Variants in SPART observed in about 807,000 individuals in gnomAD.
SPART encodes spastic paraplegia 20 (Troyer syndrome).
A neutral mutation model predicts 58.7 loss-of-function variants in SPART; 35 were observed. The observed-to-expected ratio is 0.60, with a 90% CI of 0.46 to 0.79. SPART has a LOEUF of 0.79. Ranked by LOEUF, SPART falls within the 30% of genes least tolerant of loss-of-function variation. SPART has a pLI of 0.00. For synonymous variants in SPART, 284 were observed against 280.7 expected, an observed-to-expected ratio of 1.01 and a Z score of -0.12; for missense variants, 730 against 786.1, an observed-to-expected ratio of 0.93 and a Z score of 0.85.
intron 4 of SPART, among the ~76,000 whole-genome samples, chr13:36,329,128 G>A (rs1883222096): frequency 2.0e-5 from 3 of 151,718 alleles, no homozygotes; most frequent in Admixed American, 1.3e-4. Context: ...TCAAACAGTT[G>A]GGAAAAAAAT....
intron 1 of SPART, among the ~76,000 whole-genome samples, chr13:36,338,894 A>T (rs1343780127): frequency 6.6e-6 from 1 of 152,108 alleles, no homozygotes; most frequent in Non-Finnish European, 1.5e-5. Context: ...CAAGCAATTC[A>T]CCGTTCAGAA....
chr13:36,363,217 A>T (rs979425429), intron 1 of SPART, among the ~76,000 whole-genome samples: 1 of 152,210 alleles, frequency 6.6e-6, no homozygotes, highest in African/African-American at 2.4e-5. Flanking sequence ...CTTTTTTCTG[A>T]AAACAATAAC....
At position 36,302,294 on chromosome 13, in the gene SPART, A is replaced by C. The variant is rs929009865; in HGVS notation, c.*2071T>G. 1 of 152,204 alleles carries C rather than the reference A, an allele frequency of 6.6e-6. No homozygotes were observed. Among genetic ancestry groups the C allele is most frequent in the African/African-American group, 2.4e-5 (1 of 41,452 alleles). 9.4% of individuals were successfully genotyped at this position (152,204 alleles called of 1,614,324 possible). A position where few individuals can be genotyped will look rare whatever the true frequency, so the allele number is the denominator to read the frequency against. On this transcript the variant is annotated 3_prime_UTR_variant, in exon 9 of 9. Transcript: ENST00000438666. Reference sequence around the variant, plus strand: ...AATCTTTAGAAGATGCCTATCTCCTAATGAGTCAGTGAATGGTGGGAAAAG... The same window carrying C: ...AATCTTTAGAAGATGCCTATCTCCTCATGAGTCAGTGAATGGTGGGAAAAG...
intron 1 of SPART, among the ~76,000 whole-genome samples, chr13:36,337,058 T>C (rs2137569428): frequency 1.3e-5 from 2 of 152,346 alleles, no homozygotes; most frequent in Middle Eastern, 6.8e-3. Context: ...TGTTCTCTTG[T>C]TGATCTGAGT....
At chr13:36,353,883 T>A (rs1885517743) in intron 1 of SPART, among the ~76,000 whole-genome samples, 1 of 152,176 alleles carries the variant, frequency 6.6e-6, no homozygotes, top group Non-Finnish European at 1.5e-5. Context: ...GTTCTGTGAA[T>A]TGTTTATGTT....
intron 1 of SPART, among the ~76,000 whole-genome samples, chr13:36,341,258 T>G (rs1369188082): frequency 6.6e-6 from 1 of 152,210 alleles, no homozygotes; most frequent in African/African-American, 2.4e-5. Context: ...AGAGCAACTA[T>G]GTCAAACAGA....
At position 36,354,625 on chromosome 13, in the gene SPART, C is replaced by T. The variant is rs150426425; in HGVS notation, c.-3+15464G>A. Among the ~76,000 whole-genome samples the T allele has an allele frequency of 2.2e-4, 34 of 152,314 alleles. No individual in the cohort carries two copies. In the East Asian group the frequency reaches 4.2e-3, roughly 19 times the overall value. On this transcript the variant is annotated intron_variant, in intron 1 of 8. Coordinates refer to the SPART transcript ENST00000355182. ...CTGAGAGAGGATATGTTGGAGCTTG[C>T]GCCTGTTTTCTCCTGGACTTTGCCT...
chr13:36,344,509 T>C (rs1430344700), intron 1 of SPART, among the ~76,000 whole-genome samples: 1 of 152,196 alleles, frequency 6.6e-6, no homozygotes, highest in Non-Finnish European at 1.5e-5. Context: ...AGAGGTTATA[T>C]ATAAGTCTAA....
chr13:36,303,467 T>G lies in SPART; in HGVS notation c.*898A>C, dbSNP rs1880188069. On this transcript the variant is annotated 3_prime_UTR_variant, in exon 9 of 9. Coordinates refer to ENST00000438666, the MANE Select transcript of SPART (RefSeq NM_015087.5). ...AATAGAACCTTTCCTTTTTAATAAC[T>G]TGTCTTTTAATATAAATTCCAATGA... 1 of 152,156 alleles carries G rather than the reference T, an allele frequency of 6.6e-6. No individual in the cohort carries two copies. The highest frequency in any genetic ancestry group is 2.4e-5 in the African/African-American group (1 of 41,456). The allele number at this position is 152,156 out of a possible 1,614,324, so 9.4% of individuals were successfully genotyped here.
intron 1 of SPART, among the ~76,000 whole-genome samples, chr13:36,359,264 C>T (rs1380362275): frequency 2.0e-5 from 3 of 152,162 alleles, no homozygotes; most frequent in Admixed American, 6.5e-5. Context: ...TTACATAACA[C>T]GGTCAAGGTC....
Position 36,326,584 on chromosome 13 carries a change from T to C in SPART, c.1279A>G (p.Ile427Val). The C allele has an allele frequency of 1.2e-6, 2 of 1,613,478 alleles. No individual in the cohort carries two copies. The highest frequency in any genetic ancestry group is 1.7e-6 in the Non-Finnish European group (2 of 1,179,870). ...PEWSEKVAHN[I>V]LSGASWVSWG... is the part of the protein sequence containing the mutation. ...AACATTACTGTAATACCTGACAAAA[T>C]GTTGTGAGCCACTTTTTCACTCCAT... The change falls in exon 5 of 9, where the codon ATT becomes GTT. Residue 427 changes from isoleucine to valine, a missense_variant. Ile to Val is a conservative substitution (Grantham distance 29). Coordinates refer to ENST00000438666, the MANE Select transcript of SPART (RefSeq NM_015087.5).
At chr13:36,356,700 C>T (rs1242154400) in intron 1 of SPART, among the ~76,000 whole-genome samples, 7 of 152,178 alleles carry the variant, frequency 4.6e-5, no homozygotes, top group South Asian at 2.1e-4. Context: ...AGCTGCACCT[C>T]GACCACCTTG....
rs1178283675 is a variant in SPART at position 36,335,273 on chromosome 13, G to C, written c.558C>G (p.Ser186=). 7 of 1,614,004 alleles carry C rather than the reference G, an allele frequency of 4.3e-6. No homozygotes were observed. The highest frequency in any genetic ancestry group is 1.7e-5 in the Admixed American group (1 of 59,986). The change falls in exon 2 of 9, where the codon TCC becomes TCG. Residue 186 remains serine (S), a synonymous_variant. Coordinates refer to ENST00000438666, the MANE Select transcript of SPART (RefSeq NM_015087.5). ...PQAAEGHYTV[S]YGTDSGEFSS... ...AAAACTCCCCAGAATCTGTTCCATA[G>C]GATACAGTGTAGTGACCTTCAGCAG...
chr13:36,333,902 C>A (rs1883706418), intron 2 of SPART, among the ~76,000 whole-genome samples: 1 of 152,154 alleles, frequency 6.6e-6, no homozygotes, highest in Non-Finnish European at 1.5e-5. Context: ...TGTCCAGTAT[C>A]AAATATTTCC....
rs118177812 is a variant in SPART at position 36,305,129 on chromosome 13, A to C, written c.1734-497T>G. ...GGCATTCTCCCCTGCATCCCACTCT[A>C]CTGCACACTCACTGGCCTCCTTGCT... On this transcript the variant is annotated intron_variant, in intron 8 of 8. Coordinates refer to ENST00000438666, the MANE Select transcript of SPART (RefSeq NM_015087.5). Among the ~76,000 whole-genome samples, 3 of 152,232 alleles carry C rather than the reference A, an allele frequency of 2.0e-5. No homozygotes were observed. The East Asian group carries it at 5.8e-4, about 29-fold the overall frequency.
At chr13:36,317,701 G>A (rs977385870) in intron 5 of SPART, among the ~76,000 whole-genome samples, 1 of 151,712 alleles carries the variant, frequency 6.6e-6, no homozygotes, top group Non-Finnish European at 1.5e-5. Context: ...TTCACTATAG[G>A]CAACCTTCCA....
chr13:36,318,754 C>T (rs1269779687), intron 5 of SPART, among the ~76,000 whole-genome samples: 7 of 152,092 alleles, frequency 4.6e-5, no homozygotes, highest in Non-Finnish European at 1.0e-4. Flanking sequence ...AAGGAATGCC[C>T]GCAGCCCGGG....
chr13:36,328,104 G>A (rs753533390), intron 4 of SPART, among the ~76,000 whole-genome samples: 13 of 151,984 alleles, frequency 8.6e-5, no homozygotes, highest in Non-Finnish European at 1.8e-4. Flanking sequence ...CTTCAACTTT[G>A]GTTTCTTGTG....
upstream of SPART, among the ~76,000 whole-genome samples, chr13:36,349,628 C>T (rs991845915): frequency 3.3e-5 from 5 of 152,138 alleles, no homozygotes; most frequent in Non-Finnish European, 5.9e-5. Flanking sequence ...CTTCCAAATT[C>T]GATAATTGTG....
Sources: allele counts gnomAD v4.1 joint callset (sites outside exome capture counted in the v4.1 genomes callset), GRCh38; gene constraint gnomAD v4.1.1; transcripts MANE v1.5; gene names NCBI Gene and HGNC (gene_info 2026-07-23, HGNC 2026-07-21).